RBMS1: variants seen among roughly 807,000 people sequenced by gnomAD.
RBMS1 encodes RNA binding motif single stranded interacting protein 1, also known as RNA-binding motif, single-stranded-interacting protein 1.
A neutral mutation model predicts 62.3 loss-of-function variants in RBMS1; 17 were observed. The observed-to-expected ratio is 0.27, with a 90% CI of 0.19 to 0.41. RBMS1 has a LOEUF of 0.41. Ranked by LOEUF, RBMS1 falls within the 10% of genes least tolerant of loss-of-function variation. The pLI, the probability that RBMS1 is intolerant of heterozygous loss-of-function variation, is 1.00. For missense variants in RBMS1, 334 were observed against 504.5 expected (o/e 0.66, Z 3.24); for synonymous variants, 172 against 170.0 (o/e 1.01, Z -0.09).
chr2:160,448,173 T>A lies in RBMS1; in HGVS notation c.75+45116A>T, dbSNP rs181302293. Among the ~76,000 whole-genome samples the A allele has an allele frequency of 3.3e-5, 5 of 152,308 alleles. No individual in the cohort carries two copies. The East Asian group carries it at 9.7e-4, about 29-fold the overall frequency. ...CTTATATTCTTTCCATAATATCAGC[T>A]CTAATATATTTTAGTCTAATAATTT... On this transcript the variant is annotated intron_variant, in intron 1 of 13. Coordinates refer to ENST00000348849, the MANE Select transcript of RBMS1 (RefSeq NM_016836.4).
intron 1 of RBMS1, among the ~76,000 whole-genome samples, chr2:160,437,972 C>A (rs1209733147): frequency 1.3e-5 from 2 of 152,138 alleles, no homozygotes; most frequent in African/African-American, 4.8e-5. Context: ...TCCACTTTTA[C>A]TCCTGTGATC....
intron 5 of RBMS1, among the ~76,000 whole-genome samples, chr2:160,302,104 A>G (rs1689237950): frequency 6.6e-6 from 1 of 152,200 alleles, no homozygotes; most frequent in South Asian, 2.1e-4. Flanking sequence ...TCAGAAACCA[A>G]AATAACCACT....
At chr2:160,336,784 C>G (rs932278090) in intron 2 of RBMS1, among the ~76,000 whole-genome samples, 3 of 152,136 alleles carry the variant, frequency 2.0e-5, no homozygotes, top group Non-Finnish European at 4.4e-5. Flanking sequence ...ACTCAATAGC[C>G]ACATGCGGCT....
At chr2:160,407,796 A>G in intron 1 of RBMS1, 7 of 981,058 alleles carry the variant, frequency 7.1e-6, no homozygotes, top group Non-Finnish European at 8.5e-6. Context: ...CCTGCGTGCC[A>G]TGGACGGGAG....
At chr2:160,276,339 T>TACCACCACC (rs373432177) in intron 12 of RBMS1, among the ~76,000 whole-genome samples, 4 of 150,846 alleles carry the variant, frequency 2.7e-5, no homozygotes, top group Admixed American at 6.6e-5. Flanking sequence ...AAAATACTAC[T>TACCACCACC]ACCACCACCA....
chr2:160,419,894 T>C (rs1696354991), intron 1 of RBMS1, among the ~76,000 whole-genome samples: 1 of 152,208 alleles, frequency 6.6e-6, no homozygotes, highest in Admixed American at 6.5e-5. Flanking sequence ...TGAGAAATGC[T>C]GCAAATCTGA....
intron 1 of RBMS1, among the ~76,000 whole-genome samples, chr2:160,380,191 T>G (rs1413562460): frequency 3.3e-5 from 5 of 152,080 alleles, no homozygotes; most frequent in African/African-American, 9.7e-5. Context: ...GAAACACATT[T>G]ATGAAGAAAA....
At chr2:160,469,277 G>A (rs934192778) in intron 1 of RBMS1, among the ~76,000 whole-genome samples, 5 of 152,038 alleles carry the variant, frequency 3.3e-5, no homozygotes, top group East Asian at 1.9e-4. Context: ...GTTTACCCTC[G>A]TTTTCAACCT....
At chr2:160,316,879 T>C (rs1437962466) in intron 3 of RBMS1, among the ~76,000 whole-genome samples, 1 of 152,148 alleles carries the variant, frequency 6.6e-6, no homozygotes, top group Non-Finnish European at 1.5e-5. Context: ...CCTGCAAGAG[T>C]CTATTTTTCT....
intron 1 of RBMS1, among the ~76,000 whole-genome samples, chr2:160,380,646 T>C (rs1364572109): frequency 6.6e-6 from 1 of 152,230 alleles, no homozygotes; most frequent in Non-Finnish European, 1.5e-5. Context: ...GCAAAAAGAA[T>C]GCATTAAGAG....
intron 1 of RBMS1, among the ~76,000 whole-genome samples, chr2:160,389,078 A>G (rs1247441165): frequency 6.6e-6 from 1 of 152,222 alleles, no homozygotes; most frequent in African/African-American, 2.4e-5. Context: ...TTTAATCAGA[A>G]AGGGTGGAGC....
chr2:160,402,772 G>T (rs539281806), intron 1 of RBMS1, among the ~76,000 whole-genome samples: 2 of 152,054 alleles, frequency 1.3e-5, no homozygotes, highest in Non-Finnish European at 2.9e-5. Context: ...CTTTCACCAT[G>T]TAGGCCACTT....
chr2:160,373,694 A>C (rs1384014602), intron 1 of RBMS1, among the ~76,000 whole-genome samples: 1 of 152,174 alleles, frequency 6.6e-6, no homozygotes, highest in East Asian at 1.9e-4. Context: ...TCACCACAAA[A>C]CTAGAGGGCC....
At chr2:160,484,417 C>A (rs983024163) in intron 1 of RBMS1, among the ~76,000 whole-genome samples, 1 of 150,328 alleles carries the variant, frequency 6.7e-6, no homozygotes, top group South Asian at 2.1e-4. Flanking sequence ...ATGGCGTGAA[C>A]CCGGGAGGCG....
At chr2:160,318,325 T>A (rs1427143678) in intron 2 of RBMS1, 98 bp from the exon 3 acceptor site, 1 of 1,411,104 alleles carries the variant, frequency 7.1e-7, no homozygotes, top group African/African-American at 1.5e-5. Flanking sequence ...GAACACACAT[T>A]CTTTTCAAAC....
chr2:160,379,233 A>G (rs1694158437), intron 1 of RBMS1, among the ~76,000 whole-genome samples: 1 of 152,162 alleles, frequency 6.6e-6, no homozygotes, highest in Admixed American at 6.5e-5. Context: ...AAAAAAAAAA[A>G]AAAAGTTAAT....
At chr2:160,304,291 T>C (rs1156300089) in intron 4 of RBMS1, among the ~76,000 whole-genome samples, 1 of 152,174 alleles carries the variant, frequency 6.6e-6, no homozygotes, top group Non-Finnish European at 1.5e-5. Flanking sequence ...TATGTAACTG[T>C]AGGCAAAAGG....
At chr2:160,385,985 T>C (rs1694550421) in intron 1 of RBMS1, among the ~76,000 whole-genome samples, 1 of 152,172 alleles carries the variant, frequency 6.6e-6, no homozygotes, top group East Asian at 1.9e-4. Flanking sequence ...CACAAAAACA[T>C]GTGTTCTGAC....
At chr2:160,463,223 C>A (rs1684543645) in intron 1 of RBMS1, among the ~76,000 whole-genome samples, 1 of 152,108 alleles carries the variant, frequency 6.6e-6, no homozygotes, top group African/African-American at 2.4e-5. Flanking sequence ...AAAAGAGGTT[C>A]AAAAAGATGT....
Sources: allele counts gnomAD v4.1 joint callset (sites outside exome capture counted in the v4.1 genomes callset), GRCh38; gene constraint gnomAD v4.1.1; transcripts MANE v1.5; gene names NCBI Gene and HGNC (gene_info 2026-07-23, HGNC 2026-07-21).